Variants in FGFR2 observed in about 807,000 individuals in gnomAD.
The protein encoded by FGFR2 is BEK fibroblast growth factor receptor.
FGFR2 carries 19 observed loss-of-function variants against 95.9 expected under a neutral mutation model. The observed-to-expected ratio is 0.20, with a 90% CI of 0.14 to 0.29. The LOEUF (loss-of-function observed/expected upper bound fraction) is 0.29. FGFR2 is among the 10% of genes least tolerant of loss of function. The pLI is 1.00. For synonymous variants in FGFR2, 392 were observed against 393.3 expected (o/e 1.00, Z 0.04); for missense variants, 707 against 1,056.9 (o/e 0.67, Z 4.59).
At chr10:121,553,880 G>A (rs558117014) in intron 4 of FGFR2, among the ~76,000 whole-genome samples, 2 of 152,290 alleles carry the variant, frequency 1.3e-5, no homozygotes, top group East Asian at 1.9e-4. Flanking sequence ...CCAAGCCATG[G>A]GTGAGTCTGT....
Position 121,594,765 on chromosome 10 carries a change from T to G in FGFR2, c.-150-798A>C, listed in dbSNP as rs1564757288. ...AACCTCTGTAGAAGGGTGAGGAAACTGAGCAGATGCAAATTCTGATGAATA... is the reference window on the plus strand; with the variant it reads ...AACCTCTGTAGAAGGGTGAGGAAACGGAGCAGATGCAAATTCTGATGAATA... On this transcript the variant is annotated intron_variant, in intron 1 of 17. Transcript: ENST00000358487. Among the ~76,000 whole-genome samples the G allele has an allele frequency of 2.6e-5, 4 of 152,344 alleles. No homozygotes were observed. In the East Asian group the frequency reaches 7.7e-4, roughly 29 times the overall value.
At chr10:121,519,630 T>C (rs1331671104) in intron 7 of FGFR2, among the ~76,000 whole-genome samples, 1 of 152,248 alleles carries the variant, frequency 6.6e-6, no homozygotes, top group African/African-American at 2.4e-5. Flanking sequence ...ATCCCATTTA[T>C]TCTGCACAAC....
At chr10:121,573,982 A>G (rs1009388948) in intron 2 of FGFR2, among the ~76,000 whole-genome samples, 2 of 152,148 alleles carry the variant, frequency 1.3e-5, no homozygotes, top group Non-Finnish European at 2.9e-5. Context: ...CACAAAGCAC[A>G]TGGCAAGTAA....
At chr10:121,562,672 C>T (rs903269877) in intron 4 of FGFR2, among the ~76,000 whole-genome samples, 1 of 152,136 alleles carries the variant, frequency 6.6e-6, no homozygotes, top group African/African-American at 2.4e-5. Context: ...AATGACCCAT[C>T]AAGCCATGAA....
intron 6 of FGFR2, among the ~76,000 whole-genome samples, chr10:121,528,216 T>C (rs573800697): frequency 6.6e-6 from 1 of 152,284 alleles, no homozygotes; most frequent in Admixed American, 6.5e-5. Context: ...TCAAAAATGA[T>C]CCAGTTAACC....
At chr10:121,557,924 C>T (rs1393935896) in intron 4 of FGFR2, among the ~76,000 whole-genome samples, 1 of 152,146 alleles carries the variant, frequency 6.6e-6, no homozygotes, top group Non-Finnish European at 1.5e-5. Context: ...GTGTGGGCAT[C>T]TGCAGGTCTC....
At chr10:121,592,164 G>A (rs547212712) in intron 2 of FGFR2, among the ~76,000 whole-genome samples, 31 of 152,186 alleles carry the variant, frequency 2.0e-4, no homozygotes, top group Non-Finnish European at 4.4e-5. Context: ...GCCGAGCCAC[G>A]CACTCAAGGG....
chr10:121,533,708 G>C lies in FGFR2; in HGVS notation c.748+4884C>G, dbSNP rs981786480. On this transcript the variant is annotated intron_variant, in intron 6 of 17. Coordinates refer to ENST00000358487, the MANE Select transcript of FGFR2 (RefSeq NM_000141.5). ...CAGCACCTCCTTAGAGTCGGGCTGT[G>C]GCAGTCACTACTGAAACACACCACA... Among the ~76,000 whole-genome samples the C allele has an allele frequency of 5.3e-5, 8 of 152,328 alleles. No individual in the cohort carries two copies. In the East Asian group the frequency reaches 1.5e-3, roughly 29 times the overall value.
intron 6 of FGFR2, chr10:121,526,105 T>G: frequency 2.5e-6 from 1 of 398,488 alleles, no homozygotes; most frequent in Admixed American, 4.4e-5. Context: ...GTAAGGAGCG[T>G]GGATAACCTC....
chr10:121,592,754 C>T (rs554359009), intron 2 of FGFR2, among the ~76,000 whole-genome samples: 2 of 152,170 alleles, frequency 1.3e-5, no homozygotes, highest in East Asian at 3.9e-4. Context: ...AGACACCACT[C>T]GGACTGCTGC....
chr10:121,566,443 C>T (rs1020549940), intron 2 of FGFR2, among the ~76,000 whole-genome samples: 1 of 152,118 alleles, frequency 6.6e-6, no homozygotes, highest in South Asian at 2.1e-4. Context: ...GAAATGAAGC[C>T]GCTGGGTGCT....
chr10:121,509,093 T>C (rs1848683734), intron 9 of FGFR2, among the ~76,000 whole-genome samples: 1 of 152,242 alleles, frequency 6.6e-6, no homozygotes, highest in Non-Finnish European at 1.5e-5. Flanking sequence ...AATTCTCTTT[T>C]CTTTTGCACA....
intron 2 of FGFR2, among the ~76,000 whole-genome samples, chr10:121,572,888 A>T (rs549579030): frequency 6.6e-6 from 1 of 152,338 alleles, no homozygotes; most frequent in African/African-American, 2.4e-5. Context: ...ATAAGTAAAC[A>T]GAGAGAAAAA....
At chr10:121,592,220 T>A (rs1862761291) in intron 2 of FGFR2, among the ~76,000 whole-genome samples, 1 of 152,132 alleles carries the variant, frequency 6.6e-6, no homozygotes, top group South Asian at 2.1e-4. Flanking sequence ...TTAGCAAAAT[T>A]AAAGACGTAC....
Position 121,500,864 on chromosome 10 carries a change from G to T in FGFR2, c.1523C>A (p.Pro508His). Residue 508 changes from proline (P) to histidine (H), a missense_variant, in exon 11 of 18, where the codon CCC (proline) becomes CAC (histidine). Coordinates refer to ENST00000358487, the MANE Select transcript of FGFR2 (RefSeq NM_000141.5). ...CACGGCCACGGTGACCGCCTCCTTG[G>T]GCTTGTCTTTGTCAATTCCCACTGC... Reference protein sequence around the residue: ...AEAVGIDKDKPKEAVTVAVKM... With the variant: ...AEAVGIDKDKHKEAVTVAVKM... 6.2e-7 allele frequency: 1 copy of T among 1,614,120 alleles called. No homozygotes were observed. Among genetic ancestry groups the T allele is most frequent in the Non-Finnish European group, 8.5e-7 (1 of 1,180,032 alleles).
At position 121,516,356 on chromosome 10, in the gene FGFR2, T is replaced by C. The variant is rs1453094079; in HGVS notation, c.1084+963A>G. ...GATTCGCAACAAAAGGAAAAACGGA[T>C]GCAATGGTATTATTGAAAGCTTATA... is the stretch of plus-strand genomic sequence containing the variant. On this transcript the variant is annotated intron_variant, in intron 8 of 17. Coordinates refer to ENST00000358487, the MANE Select transcript of FGFR2 (RefSeq NM_000141.5). Among the ~76,000 whole-genome samples, 4 of 152,236 alleles carry C rather than the reference T, an allele frequency of 2.6e-5. No homozygotes were observed. The East Asian group carries it at 7.7e-4, about 29-fold the overall frequency.
At chr10:121,566,107 C>G (rs1047874476) in intron 2 of FGFR2, among the ~76,000 whole-genome samples, 6 of 152,324 alleles carry the variant, frequency 3.9e-5, no homozygotes, top group Non-Finnish European at 7.3e-5. Flanking sequence ...TGAAACGTGA[C>G]TGTGCGCCAC....
rs772986332 is a variant in FGFR2 at position 121,515,191 on chromosome 10, T to C, written c.1213A>G (p.Lys405Glu). 6.8e-6 allele frequency: 11 copies of C among 1,614,104 alleles called. No homozygotes were observed. The East Asian group carries it at 2.2e-4, about 33-fold the overall frequency. The change falls in exon 9 of 18, where the codon AAG (lysine) becomes GAG (glutamate). Residue 405 changes from lysine to glutamate, a missense_variant. By Grantham distance (56) the Lys-to-Glu change is moderately conservative (BLOSUM62 1). Transcript: ENST00000358487. ...VILCRMKNTT[K>E]KPDFSSQPAV... is the part of the protein sequence containing the mutation. Reference sequence around the variant, plus strand: ...GGCTGGCTGCTGAAGTCTGGCTTCTTGGTCGTGTTCTTCATTCGGCACAGG... The same window carrying C: ...GGCTGGCTGCTGAAGTCTGGCTTCTCGGTCGTGTTCTTCATTCGGCACAGG...
chr10:121,484,628 C>T (rs998163297), intron 16 of FGFR2, among the ~76,000 whole-genome samples: 1 of 152,176 alleles, frequency 6.6e-6, no homozygotes, highest in Non-Finnish European at 1.5e-5. Flanking sequence ...GGGGTTGAGG[C>T]AGGAGGCAGA....
Sources: gnomAD v4.1 joint callset for allele counts (sites outside exome capture counted in the v4.1 genomes callset) on GRCh38, gnomAD v4.1.1 for gene constraint, MANE v1.5 for transcripts, NCBI Gene and HGNC (gene_info 2026-07-23, HGNC 2026-07-21) for gene names.